The following STK38L variants were observed in gnomAD, a reference collection of about 807,000 sequenced individuals.
STK38L encodes the protein serine/threonine-protein kinase 38-like.
In STK38L, 28 loss-of-function variants were observed where a neutral mutation model predicts 59.7. That is an observed-to-expected ratio of 0.47 (90% confidence interval 0.35 to 0.64). The LOEUF is 0.64. Ranked by LOEUF, STK38L falls within the 30% of genes least tolerant of loss-of-function variation. The pLI, the probability that STK38L is intolerant of heterozygous loss-of-function variation, is 0.01. For missense variants in STK38L, 314 were observed against 555.8 expected, an observed-to-expected ratio of 0.56 and a Z score of 4.37; for synonymous variants, 162 against 176.8, an observed-to-expected ratio of 0.92 and a Z score of 0.66.
Position 27,315,362 on chromosome 12 carries a change from A to C in STK38L, c.837+12A>C. Reference sequence around the variant, plus strand: ...ACAGGAGACAACTGGTGAGTCAACCAGTTTTTAAGAGAATTTTATGCCTTG... The same window carrying C: ...ACAGGAGACAACTGGTGAGTCAACCCGTTTTTAAGAGAATTTTATGCCTTG... On this transcript the variant is annotated intron_variant, in intron 9 of 13. Transcript: ENST00000389032. The C allele has an allele frequency of 6.2e-7, 1 of 1,607,308 alleles. No individual in the cohort carries two copies. The highest frequency in any genetic ancestry group is 1.3e-5 in the African/African-American group (1 of 74,596).
At chr12:27,313,194 G>T (rs1944497696) in intron 6 of STK38L, among the ~76,000 whole-genome samples, 3 of 148,948 alleles carry the variant, frequency 2.0e-5, no homozygotes. Flanking sequence ...CTTGCAGTGA[G>T]CCGAGATAGC....
intron 5 of STK38L, among the ~76,000 whole-genome samples, chr12:27,311,720 TTTATA>T (rs767871029): frequency 8.6e-5 from 13 of 150,300 alleles, no homozygotes; most frequent in Admixed American, 1.4e-4. Flanking sequence ...TGGTAGAGGT[TTTATA>T]TTATAACAAT....
At chr12:27,255,754 A>T (rs1022689989) in intron 1 of STK38L, among the ~76,000 whole-genome samples, 1 of 152,128 alleles carries the variant, frequency 6.6e-6, no homozygotes, top group Non-Finnish European at 1.5e-5. Context: ...GTGATCTCAT[A>T]TGCTGTGATA....
rs957138110 is a variant in STK38L at position 27,323,915 on chromosome 12, C to T, written c.*1460C>T. On this transcript the variant is annotated 3_prime_UTR_variant, in exon 14 of 14. Transcript: ENST00000389032. ...AAGAATGGCCTAATGTTTGTCATAA[C>T]TGTTAATGGATGAAATTTTTTAAAG... is the stretch of plus-strand genomic sequence containing the variant. 6.6e-6 allele frequency: 1 copy of T among 152,036 alleles called. No homozygotes were observed. Among genetic ancestry groups the T allele is most frequent in the South Asian group, 2.1e-4 (1 of 4,832 alleles). 9.4% of individuals were successfully genotyped at this position (152,036 alleles called of 1,614,324 possible).
intron 1 of STK38L, among the ~76,000 whole-genome samples, chr12:27,260,205 G>A (rs1268555947): frequency 2.0e-5 from 3 of 151,964 alleles, no homozygotes; most frequent in Non-Finnish European, 2.9e-5. Flanking sequence ...TTATTCTAAA[G>A]CTCACAAGTT....
intron 1 of STK38L, among the ~76,000 whole-genome samples, chr12:27,257,329 A>G (rs1366819938): frequency 2.6e-5 from 4 of 152,168 alleles, no homozygotes; most frequent in Non-Finnish European, 4.4e-5. Flanking sequence ...TGCTCTGGGG[A>G]TATGGTCAGT....
intron 3 of STK38L, among the ~76,000 whole-genome samples, chr12:27,304,196 C>T (rs1944249888): frequency 7.0e-6 from 1 of 143,012 alleles, no homozygotes; most frequent in South Asian, 2.2e-4. Context: ...AAGGCAGAGG[C>T]TGCAGTGAGC....
intron 1 of STK38L, among the ~76,000 whole-genome samples, chr12:27,285,038 C>G (rs1241027572): frequency 1.3e-5 from 2 of 152,120 alleles, no homozygotes; most frequent in Non-Finnish European, 1.5e-5. Flanking sequence ...GTTTAAATGA[C>G]TCAAAATAAC....
intron 6 of STK38L, 43 bp from the exon 7 acceptor site, chr12:27,314,461 G>T: frequency 2.2e-6 from 3 of 1,343,970 alleles, no homozygotes; most frequent in Non-Finnish European, 2.0e-6. Context: ...TTCCACCTTT[G>T]AGGCATTTTC....
chr12:27,278,978 A>G (rs559303609), intron 1 of STK38L, among the ~76,000 whole-genome samples: 1 of 152,328 alleles, frequency 6.6e-6, no homozygotes, highest in South Asian at 2.1e-4. Context: ...AGGATAAAAA[A>G]GGAAAAAGAG....
At chr12:27,270,694 T>TA (rs893936683) in intron 1 of STK38L, among the ~76,000 whole-genome samples, 2 of 151,962 alleles carry the variant, frequency 1.3e-5, no homozygotes. Flanking sequence ...AATTTTTTTT[T>TA]ATGGAGACAG....
chr12:27,263,890 C>T (rs1428828482), intron 1 of STK38L, among the ~76,000 whole-genome samples: 3 of 152,028 alleles, frequency 2.0e-5, no homozygotes, highest in Non-Finnish European at 4.4e-5. Flanking sequence ...GTTCTGAAAA[C>T]GTGAAACATA....
intron 5 of STK38L, among the ~76,000 whole-genome samples, chr12:27,312,177 C>A (rs1944472254): frequency 6.6e-6 from 1 of 152,216 alleles, no homozygotes; most frequent in African/African-American, 2.4e-5. Context: ...CTGTGCCCGG[C>A]CCTGCTTACT....
In STK38L at chr12:27,310,610, A is replaced by G. The variant is rs554997240; in HGVS notation, c.393+1413A>G. On this transcript the variant is annotated intron_variant, in intron 5 of 13. Coordinates refer to ENST00000389032, the MANE Select transcript of STK38L (RefSeq NM_015000.4). ...TCAATGATTTTTATATTGATTACAT[A>G]CTAAGGTGATAATATTCGGATATAT... 2.0e-5 allele frequency among the ~76,000 whole-genome samples: 3 copies of G among 152,348 alleles called. No homozygotes were observed. The South Asian group carries it at 6.2e-4, about 32-fold the overall frequency.
chr12:27,256,593 AT>A (rs1257927651), intron 1 of STK38L, among the ~76,000 whole-genome samples: 15 of 152,216 alleles, frequency 9.9e-5, no homozygotes, highest in African/African-American at 3.6e-4. Flanking sequence ...TTTTTTAAAT[AT>A]CCAAACTACA....
intron 1 of STK38L, among the ~76,000 whole-genome samples, chr12:27,260,396 AAT>A (rs1197967393): frequency 6.6e-6 from 1 of 152,220 alleles, no homozygotes; most frequent in Non-Finnish European, 1.5e-5. Context: ...GTAGGTATTT[AAT>A]ACAAGAGAGC....
At chr12:27,256,018 A>G (rs1219103158) in intron 1 of STK38L, among the ~76,000 whole-genome samples, 2 of 152,150 alleles carry the variant, frequency 1.3e-5, no homozygotes, top group East Asian at 1.9e-4. Context: ...AAACCTGGAA[A>G]TCACCCTTGA....
chr12:27,313,276 CTG>C (rs796635908), intron 6 of STK38L, among the ~76,000 whole-genome samples: 21 of 150,568 alleles, frequency 1.4e-4, no homozygotes, highest in African/African-American at 4.4e-4. Flanking sequence ...ATACCTGAGA[CTG>C]TGTAATTTAT....
Position 27,297,703 on chromosome 12 carries a change from G to A in STK38L, c.-11-7G>A. 1 of 1,597,972 alleles carries A rather than the reference G, an allele frequency of 6.3e-7. No individual in the cohort carries two copies. The highest frequency in any genetic ancestry group is 8.5e-7 in the Non-Finnish European group (1 of 1,172,608). On this transcript the variant is annotated splice_polypyrimidine_tract_variant and splice_region_variant and intron_variant, in intron 1 of 13. Coordinates refer to ENST00000389032, the MANE Select transcript of STK38L (RefSeq NM_015000.4). ...ACTGAATAATTTGTTTTTCTATGTT[G>A]TTTCAGTTTCCGTTACTATGGCAAT...
Sources: gnomAD v4.1 joint callset for allele counts (sites outside exome capture counted in the v4.1 genomes callset) on GRCh38, gnomAD v4.1.1 for gene constraint, MANE v1.5 for transcripts, NCBI Gene and HGNC (gene_info 2026-07-23, HGNC 2026-07-21) for gene names.